LRMDA: variants seen among roughly 807,000 people sequenced by gnomAD.
LRMDA encodes leucine rich melanocyte differentiation associated.
LRMDA carries 18 observed loss-of-function variants against 29.8 expected under a neutral mutation model. The observed-to-expected ratio is 0.60, with a 90% CI of 0.42 to 0.90. The LOEUF (loss-of-function observed/expected upper bound fraction) is 0.90. Ranked by LOEUF, LRMDA falls within the 40% of genes least tolerant of loss-of-function variation. The probability of loss-of-function intolerance (pLI) is 0.00; values close to 1 mark genes in which losing one functional copy is unlikely to be tolerated. For missense variants in LRMDA, 273 were observed against 273.9 expected (o/e 1.00, Z 0.02); for synonymous variants, 125 against 109.4 (o/e 1.14, Z -0.89).
At chr10:75,680,452 T>G (rs1454684837) in intron 2 of LRMDA, among the ~76,000 whole-genome samples, 4 of 152,182 alleles carry the variant, frequency 2.6e-5, no homozygotes, top group Non-Finnish European at 5.9e-5. Context: ...GGAAGTTTCT[T>G]GAGGACAGGG....
At chr10:76,489,463 G>A (rs1407135513) in intron 6 of LRMDA, among the ~76,000 whole-genome samples, 1 of 151,584 alleles carries the variant, frequency 6.6e-6, no homozygotes, top group African/African-American at 2.4e-5. Flanking sequence ...AAAAAAACAA[G>A]CTTTAATTTC....
chr10:76,061,589 A>C (rs548171972), intron 5 of LRMDA, among the ~76,000 whole-genome samples: 1 of 152,288 alleles, frequency 6.6e-6, no homozygotes, highest in Non-Finnish European at 1.5e-5. Flanking sequence ...AAGTATGGTG[A>C]TCTTGGTTCT....
At chr10:76,378,858 C>CTTTTTTTTTTTTTTTTTTTTTTT (rs144037195) in intron 6 of LRMDA, among the ~76,000 whole-genome samples, 1 of 118,966 alleles carries the variant, frequency 8.4e-6, no homozygotes, top group Non-Finnish European at 1.6e-5. Context: ...CTTTTTTTTT[C>CTTTTTTTTTTTTTTTTTTTTTTT]TTTTTTTTTT....
chr10:75,770,882 G>A (rs1339402509), intron 2 of LRMDA, among the ~76,000 whole-genome samples: 2 of 152,238 alleles, frequency 1.3e-5, no homozygotes, highest in African/African-American at 2.4e-5. Flanking sequence ...GTCATTTGCT[G>A]TAGTCCAGAG....
At chr10:75,552,761 CT>C (rs1840168428) in intron 2 of LRMDA, among the ~76,000 whole-genome samples, 1 of 145,528 alleles carries the variant, frequency 6.9e-6, no homozygotes, top group African/African-American at 2.5e-5. Context: ...TTTTTTTTTC[CT>C]TGTTATTATT....
At chr10:76,323,837 A>T (rs551847091) in intron 5 of LRMDA, among the ~76,000 whole-genome samples, 19 of 152,318 alleles carry the variant, frequency 1.2e-4, no homozygotes, top group African/African-American at 4.6e-4. Context: ...CCAAATCCAA[A>T]TTTCAGACGT....
At chr10:75,971,649 A>G (rs73281435) in intron 2 of LRMDA, among the ~76,000 whole-genome samples, 2,576 of 152,326 alleles carry the variant, frequency 0.017, 83 homozygotes, top group African/African-American at 0.058. Flanking sequence ...ACTCTTGGAA[A>G]AACACTCCAA....
At chr10:75,685,953 G>A (rs1842076936) in intron 2 of LRMDA, among the ~76,000 whole-genome samples, 2 of 152,288 alleles carry the variant, frequency 1.3e-5, no homozygotes, top group Non-Finnish European at 2.9e-5. Context: ...CATTATACCA[G>A]ATATATGAGG....
intron 5 of LRMDA, among the ~76,000 whole-genome samples, chr10:76,143,027 T>C (rs1303195463): frequency 2.0e-5 from 3 of 152,180 alleles, no homozygotes; most frequent in African/African-American, 7.2e-5. Context: ...GAACGCATCA[T>C]TTTTTATGGC....
intron 2 of LRMDA, among the ~76,000 whole-genome samples, chr10:75,821,930 G>A (rs1026412950): frequency 6.6e-6 from 1 of 152,120 alleles, no homozygotes; most frequent in African/African-American, 2.4e-5. Context: ...ACTGGAACAA[G>A]ACAAGGATGC....
intron 5 of LRMDA, among the ~76,000 whole-genome samples, chr10:76,315,884 T>C (rs1171371116): frequency 6.6e-6 from 1 of 152,060 alleles, no homozygotes; most frequent in Non-Finnish European, 1.5e-5. Flanking sequence ...CTTCCTCCCT[T>C]TGAGCCCATA....
At chr10:76,120,039 C>T (rs1053987804) in intron 5 of LRMDA, among the ~76,000 whole-genome samples, 40 of 152,126 alleles carry the variant, frequency 2.6e-4, no homozygotes, top group Admixed American at 2.2e-3. Context: ...CTTCTATCTT[C>T]CCAGATGCTG....
intron 2 of LRMDA, among the ~76,000 whole-genome samples, chr10:75,949,824 C>T (rs957933352): frequency 6.6e-6 from 1 of 152,186 alleles, no homozygotes; most frequent in Non-Finnish European, 1.5e-5. Context: ...CACCAGTTCT[C>T]ACCTCCCTTT....
chr10:75,811,944 G>A (rs1407504862), intron 2 of LRMDA, among the ~76,000 whole-genome samples: 4 of 152,252 alleles, frequency 2.6e-5, no homozygotes, highest in Middle Eastern at 3.4e-3. Flanking sequence ...TTTGATACAA[G>A]TATTTCTTTT....
chr10:76,202,510 G>A (rs925458376), intron 5 of LRMDA, among the ~76,000 whole-genome samples: 9 of 151,994 alleles, frequency 5.9e-5, no homozygotes, highest in South Asian at 2.1e-4. Flanking sequence ...TTTGGAATCC[G>A]GATGCTGGAG....
At chr10:76,422,099 T>G (rs1277149557) in intron 6 of LRMDA, among the ~76,000 whole-genome samples, 2 of 152,106 alleles carry the variant, frequency 1.3e-5, no homozygotes, top group East Asian at 3.9e-4. Context: ...AAGTCTGGGA[T>G]GTCTACCTGG....
At chr10:76,110,220 G>A (rs1849555137) in intron 5 of LRMDA, among the ~76,000 whole-genome samples, 2 of 152,130 alleles carry the variant, frequency 1.3e-5, no homozygotes, top group South Asian at 4.2e-4. Flanking sequence ...AGCTTGAGTT[G>A]GCCGATCTGT....
intron 6 of LRMDA, among the ~76,000 whole-genome samples, chr10:76,419,574 G>A (rs1842052591): frequency 2.0e-5 from 3 of 152,014 alleles, no homozygotes; most frequent in African/African-American, 7.2e-5. Flanking sequence ...AATTCATTGG[G>A]TGAATACCAG....
chr10:76,526,457 C>T (rs576088768), intron 6 of LRMDA, among the ~76,000 whole-genome samples: 1 of 152,262 alleles, frequency 6.6e-6, no homozygotes, highest in African/African-American at 2.4e-5. Flanking sequence ...GAGGCATTCG[C>T]TTTTCATTTG....
Sources: gnomAD v4.1 joint callset for allele counts (sites outside exome capture counted in the v4.1 genomes callset) on GRCh38, gnomAD v4.1.1 for gene constraint, MANE v1.5 for transcripts, NCBI Gene and HGNC (gene_info 2026-07-23, HGNC 2026-07-21) for gene names.